The following HRNR variants were observed in gnomAD, a reference collection of about 807,000 sequenced individuals.
The protein encoded by HRNR is filaggrin family member 3.
HRNR carries 7 observed loss-of-function variants against 4.8 expected under a neutral mutation model. The observed-to-expected ratio is 1.47, with a 90% CI of 0.83 to 2.75. The LOEUF (loss-of-function observed/expected upper bound fraction) is 2.75, where lower values mean the gene tolerates loss of function less well. HRNR is among the 30% of genes most tolerant of loss of function. HRNR has a pLI of 0.00. For missense variants in HRNR, 2,879 were observed against 3,010.4 expected (o/e 0.96, Z 1.02); for synonymous variants, 1,023 against 1,242.7 (o/e 0.82, Z 3.72).
At chr1:152,223,004 C>T (rs946899966) in intron 2 of HRNR, 112 bp downstream of exon 2, 9 of 1,112,466 alleles carry the variant, frequency 8.1e-6, no homozygotes, top group Non-Finnish European at 1.2e-5. Context: ...ACCCTGTTCT[C>T]TCTCACCAAG....
chr1:152,220,164 A>T lies in HRNR; in HGVS notation c.1465T>A (p.Ser489Thr), dbSNP rs1381328902. ...TQHGSGSGHS[S>T]GHGQHGSRSG... ...CTAGAGCCGTGTTGTCCGTGGCCGG[A>T]GGAGTGACCTGAGCCAGATCCATGC... Residue 489 changes from serine (S) to threonine (T), a missense_variant, in exon 3 of 3, where the codon TCC (serine) becomes ACC (threonine). Physicochemically the swap from Ser to Thr is moderately conservative, Grantham distance 58. Coordinates refer to ENST00000368801, the MANE Select transcript of HRNR (RefSeq NM_001009931.3). 1 of 1,613,344 alleles carries T rather than the reference A, an allele frequency of 6.2e-7. No individual in the cohort carries two copies. Among genetic ancestry groups the T allele is most frequent in the Non-Finnish European group, 8.5e-7 (1 of 1,179,516 alleles).
rs771400310 is a variant in HRNR at position 152,219,292 on chromosome 1, G to A, written c.2337C>T (p.Val779=). The A allele has an allele frequency of 6.2e-7, 1 of 1,613,424 alleles. No individual in the cohort carries two copies. The highest frequency in any genetic ancestry group is 8.5e-7 in the Non-Finnish European group (1 of 1,179,918). ...GSGSGHSPSR[V]RHGSSSGHSS... is the part of the protein sequence containing the mutation. ...AGTGCCCTGAACTGGACCCATGTCGGACACGGCTAGGAGAGTGGCCAGATC... is the reference window on the plus strand; with the variant it reads ...AGTGCCCTGAACTGGACCCATGTCGAACACGGCTAGGAGAGTGGCCAGATC... The change falls in exon 3 of 3, where the codon GTC becomes GTT. Residue 779 remains valine (V), a synonymous_variant. Coordinates refer to ENST00000368801, the MANE Select transcript of HRNR (RefSeq NM_001009931.3).
chr1:152,220,615 A>C lies in HRNR; in HGVS notation c.1014T>G (p.Tyr338Ter), dbSNP rs562133900. 3.7e-6 allele frequency: 6 copies of C among 1,612,346 alleles called. No individual in the cohort carries two copies. In the South Asian group the frequency reaches 5.5e-5, roughly 15 times the overall value. The change falls in exon 3 of 3, where the codon TAT becomes TAG. Residue 338 changes from tyrosine (Y) to a stop codon, truncating the protein, a stop_gained. Transcript: ENST00000368801. LOFTEE classifies it low-confidence loss of function (END_TRUNC). ...CAGAAGTCTGGCCTGAGCCAGACTC[A>C]TAATGGCCACGGCTGTAAGAGTAAC... ...GSSYSYSRGH[Y>*]ESGSGQTSGF...
In HRNR at chr1:152,215,365, G is replaced by A. The variant is rs144489730; in HGVS notation, c.6264C>T (p.Ser2088=). The A allele has an allele frequency of 2.0e-4, 314 of 1,568,592 alleles. 18 individuals carry two copies. In the African/African-American group the frequency reaches 4.0e-3, roughly 20 times the overall value. ...SPSYGRHGSG[S]GRSSSSGQHG... is the part of the protein sequence containing the mutation. Reference sequence around the variant, plus strand: ...GTTGGCCACTGCTGGAAGACCGACCGGAGCCAGACCCATGTCGGCCATAGC... The same window carrying A: ...GTTGGCCACTGCTGGAAGACCGACCAGAGCCAGACCCATGTCGGCCATAGC... Residue 2088 remains serine, a synonymous_variant, in exon 3 of 3, where the codon TCC becomes TCT. Transcript: ENST00000368801.
rs753542098 is a variant in HRNR at position 152,220,328 on chromosome 1, CCTGACCCAGACCCACG to C, written c.1285_1300del (p.Arg429GlyfsTer151). The stretch of plus-strand genomic sequence containing the variant: ...ATGTTGGCCGGAGCTGGGAGACTGC[CCTGACCCAGACCCACG>C]CTGGCCGTGGCCTGGAGACTGGCCA... On this transcript the variant is annotated frameshift_variant, in exon 3 of 3. Transcript: ENST00000368801. LOFTEE classifies it low-confidence loss of function (END_TRUNC). 194 of 1,613,734 alleles carry C rather than the reference CCTGACCCAGACCCACG, an allele frequency of 1.2e-4. 3 individuals are homozygous for C. In the South Asian group the frequency reaches 2.1e-3, roughly 17 times the overall value.
chr1:152,212,808 T>A lies in HRNR; in HGVS notation c.*268A>T. ...CCCAAAGCTCTTTAAAAGCTTTTCA[T>A]TATTCCTCAAAGTTTAACCCTCATT... On this transcript the variant is annotated 3_prime_UTR_variant, in exon 3 of 3. Transcript: ENST00000368801. 1.9e-6 allele frequency: 1 copy of A among 514,034 alleles called. No homozygotes were observed. Among genetic ancestry groups the A allele is most frequent in the Non-Finnish European group, 3.4e-6 (1 of 295,692 alleles). 31.8% of individuals were successfully genotyped at this position (514,034 alleles called of 1,614,324 possible). A position where few individuals can be genotyped will look rare whatever the true frequency, so the allele number is the denominator to read the frequency against.
rs374494412 is a variant in HRNR, at chr1:152,219,210, A to C, written c.2419T>G (p.Tyr807Asp). Residue 807 changes from tyrosine to aspartate, a missense_variant, in exon 3 of 3, where the codon TAT becomes GAT. Physicochemically the swap from Tyr to Asp is radical, Grantham distance 160. Transcript: ENST00000368801. The part of the protein sequence containing the change: ...GTSCSSSCGH[Y>D]ESGSGQASGF... ...GAAGCCTGGCCTGAGCCAGACTCAT[A>C]ATGGCCACAGCTGGAAGAACAACTT... 215 of 1,613,008 alleles carry C rather than the reference A, an allele frequency of 1.3e-4. No homozygotes were observed. Among genetic ancestry groups the C allele is most frequent in the Non-Finnish European group, 1.8e-4 (208 of 1,179,768 alleles).
Position 152,213,189 on chromosome 1 carries a change from T to C in HRNR, c.8440A>G (p.Lys2814Glu). Residue 2814 changes from lysine (K) to glutamate (E), a missense_variant, in exon 3 of 3, where the codon AAA becomes GAA. By Grantham distance (56) the Lys-to-Glu change is moderately conservative. Transcript: ENST00000368801. Reference sequence around the variant, plus strand: ...CCCCCATCATGGTTACTTCCTCCTTTGCAATAAGAATACCCATCTTGCCCT... The same window carrying C: ...CCCCCATCATGGTTACTTCCTCCTTCGCAATAAGAATACCCATCTTGCCCT... ...GSGQDGYSYC[K>E]GGSNHDGGSS... 6.2e-7 allele frequency: 1 copy of C among 1,614,126 alleles called. No individual in the cohort carries two copies. The highest frequency in any genetic ancestry group is 1.1e-5 in the South Asian group (1 of 91,086).
chr1:152,220,671 A>C lies in HRNR; in HGVS notation c.958T>G (p.Ser320Ala), dbSNP rs745565560. The C allele has an allele frequency of 2.5e-6, 4 of 1,610,786 alleles. 1 individual carries two copies. The South Asian group carries it at 4.4e-5, about 18-fold the overall frequency. ...VRHGSGSGHS[S>A]SHGQHGSGSS... is the part of the protein sequence containing the mutation. ...CCAGACCCGTGTTGGCCGTGGCTGGAGGAGTGCCCCGAACCGGACCCATGT... is the reference window on the plus strand; with the variant it reads ...CCAGACCCGTGTTGGCCGTGGCTGGCGGAGTGCCCCGAACCGGACCCATGT... Residue 320 changes from serine to alanine, a missense_variant, in exon 3 of 3, where the codon TCC (serine) becomes GCC (alanine). Coordinates refer to ENST00000368801, the MANE Select transcript of HRNR (RefSeq NM_001009931.3).
rs766650488 is a variant in HRNR, at chr1:152,218,551, T to C, written c.3078A>G (p.Pro1026=). 1 of 1,613,746 alleles carries C rather than the reference T, an allele frequency of 6.2e-7. No individual in the cohort carries two copies. Among genetic ancestry groups the C allele is most frequent in the Non-Finnish European group, 8.5e-7 (1 of 1,179,948 alleles). ...AAGACCACCCTGAGCCAGACCTATA[T>C]GGGCCATAGCTGGAAGACTGCCCGG... The part of the protein sequence containing the change: ...SGSGQSSSYG[P]YRSGSGWSSS... The change falls in exon 3 of 3, where the codon CCA becomes CCG. Residue 1026 remains proline, a synonymous_variant. Transcript: ENST00000368801.
chr1:152,219,277 A>C lies in HRNR; in HGVS notation c.2352T>G (p.Ser784Arg). ...GGCCGTGGCTGGAGGAGTGCCCTGA[A>C]CTGGACCCATGTCGGACACGGCTAG... ...HSPSRVRHGS[S>R]SGHSSSHGQH... Residue 784 changes from serine to arginine, a missense_variant, in exon 3 of 3, where the codon AGT (serine) becomes AGG (arginine). Physicochemically the swap from Ser to Arg is moderately radical, Grantham distance 110 (BLOSUM62 -1). Transcript: ENST00000368801. The C allele has an allele frequency of 6.2e-7, 1 of 1,607,356 alleles. No homozygotes were observed. The highest frequency in any genetic ancestry group is 1.4e-5 in the African/African-American group (1 of 72,586).
Position 152,219,564 on chromosome 1 carries a change from C to T in HRNR, c.2065G>A (p.Gly689Ser). The T allele has an allele frequency of 1.2e-6, 2 of 1,613,784 alleles. No individual in the cohort carries two copies. The highest frequency in any genetic ancestry group is 8.5e-7 in the Non-Finnish European group (1 of 1,179,940). The change falls in exon 3 of 3, where the codon GGC becomes AGC. Residue 689 changes from glycine to serine, a missense_variant. Gly to Ser is a moderately conservative substitution (Grantham distance 56, BLOSUM62 0). Transcript: ENST00000368801. ...GSGSGWSSSN[G>S]PHGSVSGQSS... Reference sequence around the variant, plus strand: ...TGGCCTGAGACAGACCCATGTGGGCCATTGCTTGAAGACCAACCGGAGCCA... The same window carrying T: ...TGGCCTGAGACAGACCCATGTGGGCTATTGCTTGAAGACCAACCGGAGCCA...
In HRNR at chr1:152,220,047, A is replaced by G. The variant is rs1460896849; in HGVS notation, c.1582T>C (p.Leu528=). ...CCAGACCCATGTCGGCTGTGTCCCA[A>G]AGATTGACGGGAGCCAGACCCATGC... ...GQHGSGSRQS[L]GHSRHGSGSG... is the part of the protein sequence containing the mutation. The change falls in exon 3 of 3, where the codon TTG becomes CTG. Residue 528 remains leucine, a synonymous_variant. Transcript: ENST00000368801. The G allele has an allele frequency of 6.2e-7, 1 of 1,613,926 alleles. No homozygotes were observed.
rs149636685 is a variant in HRNR, at chr1:152,212,570, C to A, written c.*506G>T. ...ACTACCGCTGCTGCATCTTTGCTTT[C>A]AGAGCCTTCACCTTCTGCCACAATA... On this transcript the variant is annotated 3_prime_UTR_variant, in exon 3 of 3. Transcript: ENST00000368801. 106 of 163,972 alleles carry A rather than the reference C, an allele frequency of 6.5e-4. No homozygotes were observed. Among genetic ancestry groups the A allele is most frequent in the Middle Eastern group, 6.3e-3 (2 of 316 alleles). 10.2% of individuals were successfully genotyped at this position (163,972 alleles called of 1,614,324 possible).
Position 152,219,287 on chromosome 1 carries a change from T to A in HRNR, c.2342A>T (p.His781Leu), listed in dbSNP as rs1242885392. The change falls in exon 3 of 3, where the codon CAT becomes CTT. Residue 781 changes from histidine to leucine, a missense_variant. Transcript: ENST00000368801. ...GSGHSPSRVR[H>L]GSSSGHSSSH... ...GGAGGAGTGCCCTGAACTGGACCCA[T>A]GTCGGACACGGCTAGGAGAGTGGCC... 3 of 1,611,330 alleles carry A rather than the reference T, an allele frequency of 1.9e-6. No homozygotes were observed. Among genetic ancestry groups the A allele is most frequent in the Non-Finnish European group, 2.5e-6 (3 of 1,179,482 alleles).
In HRNR at chr1:152,218,678, C is replaced by G. The variant is rs577360448; in HGVS notation, c.2951G>C (p.Gly984Ala). 2.2e-5 allele frequency: 36 copies of G among 1,613,878 alleles called. No individual in the cohort carries two copies. The South Asian group carries it at 3.6e-4, about 16-fold the overall frequency. Reference sequence around the variant, plus strand: ...CTGACGGGAGCCAGACCCATGCTGACCATAGCTGGAAGACGAACCTGAGCT... The same window carrying G: ...CTGACGGGAGCCAGACCCATGCTGAGCATAGCTGGAAGACGAACCTGAGCT... ...GSSSGSSSSY[G>A]QHGSGSRQSL... Residue 984 changes from glycine to alanine, a missense_variant, in exon 3 of 3, where the codon GGT (glycine) becomes GCT (alanine). This residue lies in a region of HRNR where 2,646 missense variants were observed against 1,377.7 expected (regional missense o/e 1.92). Coordinates refer to ENST00000368801, the MANE Select transcript of HRNR (RefSeq NM_001009931.3).
chr1:152,223,027 T>C, intron 2 of HRNR, 89 bp downstream of exon 2: 2 of 1,341,652 alleles, frequency 1.5e-6, no homozygotes, highest in East Asian at 4.6e-5. Context: ...AGGACAATCC[T>C]CTAGGATGTT....
rs766669311 is a variant in HRNR, at chr1:152,218,448, A to G, written c.3181T>C (p.Ser1061Pro). Residue 1061 changes from serine to proline, a missense_variant, in exon 3 of 3, where the codon TCT becomes CCT. Physicochemically the swap from Ser to Pro is moderately conservative, Grantham distance 74 (BLOSUM62 -1). This residue lies in a region of HRNR where 2,646 missense variants were observed against 1,377.7 expected (regional missense o/e 1.92). Transcript: ENST00000368801. The stretch of plus-strand genomic sequence containing the variant: ...CTAGATCCATGTTGACCGTAGCCAG[A>G]GGACTGTCCTGAGCGAGACTCTCGG... ...GHRESRSGQS[S>P]GYGQHGSSSG... 1.2e-6 allele frequency: 2 copies of G among 1,613,722 alleles called. No homozygotes were observed. Among genetic ancestry groups the G allele is most frequent in the African/African-American group, 2.7e-5 (2 of 74,716 alleles).
In HRNR at chr1:152,219,848, G is replaced by T. The variant is rs754937077; in HGVS notation, c.1781C>A (p.Ser594Tyr). ...LGHQESRSGQ[S>Y]SGYGQHGSSS... ...AGATCCGTGTTGACCGTAGCCAGAG[G>T]ACTGTCCTGAGCGAGACTCTTGGTG... The change falls in exon 3 of 3, where the codon TCC becomes TAC. Residue 594 changes from serine (S) to tyrosine (Y), a missense_variant. This residue lies in a region of HRNR where 2,646 missense variants were observed against 1,377.7 expected (regional missense o/e 1.92). Transcript: ENST00000368801. The T allele has an allele frequency of 3.1e-6, 5 of 1,612,392 alleles. No homozygotes were observed. The highest frequency in any genetic ancestry group is 4.2e-6 in the Non-Finnish European group (5 of 1,178,992).
Sources: allele counts gnomAD v4.1 joint callset, GRCh38; gene constraint gnomAD v4.1.1; regional missense constraint gnomAD v4.1.1; transcripts MANE v1.5; gene names NCBI Gene and HGNC (gene_info 2026-07-23, HGNC 2026-07-21).